Variants in ZNF382 observed in about 807,000 individuals in gnomAD.
ZNF382 encodes the protein zinc finger protein 382, also known as KRAB/zinc finger suppressor protein 1.
ZNF382 carries 20 observed loss-of-function variants against 38.8 expected under a neutral mutation model. That is an observed-to-expected ratio of 0.51 (90% CI 0.36 to 0.75). The LOEUF is 0.75. Among genes scored for constraint, ZNF382 ranks in the 30% least tolerant of loss-of-function variants. The pLI, the probability that ZNF382 is intolerant of heterozygous loss-of-function variation, is 0.00. For missense variants in ZNF382, 546 were observed against 654.1 expected (o/e 0.83, Z 1.80); for synonymous variants, 202 against 223.1 (o/e 0.91, Z 0.84).
chr19:36,610,597 A>G lies in ZNF382; in HGVS notation c.140-53A>G. 10 of 1,451,344 alleles carry G rather than the reference A, an allele frequency of 6.9e-6. No individual in the cohort carries two copies. In the South Asian group the frequency reaches 1.2e-4, roughly 18 times the overall value. 89.9% of individuals were successfully genotyped at this position (1,451,344 alleles called of 1,614,324 possible). A position where few individuals can be genotyped will look rare whatever the true frequency, so the allele number is the denominator to read the frequency against. ...GAAGTTGTATCTTTATCTTACTTCA[A>G]TAGTTTTAAAGTCGAAACAGCTTAG... On this transcript the variant is annotated intron_variant, in intron 3 of 4. Coordinates refer to ENST00000292928, the MANE Select transcript of ZNF382 (RefSeq NM_032825.5).
intron 4 of ZNF382, among the ~76,000 whole-genome samples, chr19:36,616,246 C>T (rs958822682): frequency 1.3e-5 from 2 of 152,070 alleles, no homozygotes; most frequent in African/African-American, 4.8e-5. Context: ...GTGGTGTGCA[C>T]CTGTAGATCC....
chr19:36,608,220 T>C (rs2037049892), intron 2 of ZNF382: 1 of 152,300 alleles, frequency 6.6e-6, no homozygotes, highest in Non-Finnish European at 1.5e-5. Context: ...GTGAGGTGTT[T>C]AGGATAGCAA....
At chr19:36,625,541 C>T (rs952499018) in intron 4 of ZNF382, among the ~76,000 whole-genome samples, 1 of 148,634 alleles carries the variant, frequency 6.7e-6, no homozygotes, top group African/African-American at 2.5e-5. Flanking sequence ...TTCTCTTCTG[C>T]TCACTTATCT....
At chr19:36,617,584 CT>C (rs1306509535) in intron 4 of ZNF382, among the ~76,000 whole-genome samples, 1 of 152,134 alleles carries the variant, frequency 6.6e-6, no homozygotes, top group African/African-American at 2.4e-5. Context: ...TATCCTGACA[CT>C]TGTAAGGCAG....
At chr19:36,607,458 G>A in intron 1 of ZNF382, 94 bp from the exon 2 acceptor site, 1 of 744,272 alleles carries the variant, frequency 1.3e-6, no homozygotes, top group Non-Finnish European at 2.2e-6. Flanking sequence ...TGCTGAAATA[G>A]TGAACATTCA....
At position 36,614,914 on chromosome 19, in the gene ZNF382, C is replaced by CCTTTCCGTTTCCCTTTCCCTTTCCCT. The variant is rs1555793084; in HGVS notation, c.232+4172_232+4173insCTTTCCGTTTCCCTTTCCCTTTCCCT. On this transcript the variant is annotated intron_variant, in intron 4 of 4. Transcript: ENST00000292928. Reference sequence around the variant, plus strand: ...CTTTCCTTTCCTTTCCTTTCCTTTCCTTCCCTTTCCCTTTCCCTTTCCCTT... The same window carrying CCTTTCCGTTTCCCTTTCCCTTTCCCT: ...CTTTCCTTTCCTTTCCTTTCCTTTCCCTTTCCGTTTCCCTTTCCCTTTCCCTTTCCCTTTCCCTTTCCCTTTCCCTT... Among the ~76,000 whole-genome samples the CCTTTCCGTTTCCCTTTCCCTTTCCCT allele has an allele frequency of 3.1e-3, 280 of 90,822 alleles. 4 individuals carry two copies. Among genetic ancestry groups the CCTTTCCGTTTCCCTTTCCCTTTCCCT allele is most frequent in the Non-Finnish European group, 4.3e-3 (190 of 44,650 alleles). 59.6% of individuals were successfully genotyped at this position (90,822 alleles called of 152,430 possible).
Position 36,631,243 on chromosome 19 carries a change from ATG to A in ZNF382, c.*3694_*3695del, listed in dbSNP as rs1252157973. ...ACAGCCTACTAAACACCTAGGCTAT[ATG>A]GTAGAGCCTGTTGCTCCTAGGCTAC... is the stretch of plus-strand genomic sequence containing the variant. On this transcript the variant is annotated 3_prime_UTR_variant, in exon 5 of 5. Coordinates refer to ENST00000292928, the MANE Select transcript of ZNF382 (RefSeq NM_032825.5). 2.6e-5 allele frequency: 4 copies of A among 152,182 alleles called. No homozygotes were observed. Among genetic ancestry groups the A allele is most frequent in the African/African-American group, 4.8e-5 (2 of 41,434 alleles). The allele number at this position is 152,182 out of a possible 1,614,324, so 9.4% of individuals were successfully genotyped here.
intron 4 of ZNF382, among the ~76,000 whole-genome samples, chr19:36,615,723 CTG>C (rs1469592626): frequency 1.3e-5 from 2 of 152,114 alleles, no homozygotes; most frequent in Admixed American, 1.3e-4. Context: ...TGTTTTCCTG[CTG>C]TGTTTGATGT....
At position 36,631,620 on chromosome 19, in the gene ZNF382, T is replaced by A. The variant is rs1354289968; in HGVS notation, c.*4070T>A. The A allele has an allele frequency of 6.6e-6, 1 of 152,044 alleles. No homozygotes were observed. Among genetic ancestry groups the A allele is most frequent in the Non-Finnish European group, 1.5e-5 (1 of 68,058 alleles). 9.4% of individuals were successfully genotyped at this position (152,044 alleles called of 1,614,324 possible). A position where few individuals can be genotyped will look rare whatever the true frequency, so the allele number is the denominator to read the frequency against. On this transcript the variant is annotated 3_prime_UTR_variant, in exon 5 of 5. Transcript: ENST00000292928. ...CCAGGATGGTCTCAATCTCCTGACC[T>A]CGTGATCCACCCGCCTCGGCCTCTC...
intron 4 of ZNF382, among the ~76,000 whole-genome samples, chr19:36,614,297 G>A (rs963530394): frequency 3.9e-5 from 6 of 152,120 alleles, no homozygotes; most frequent in African/African-American, 1.2e-4. Context: ...CCAAGACCGC[G>A]CCATTGCACT....
chr19:36,613,070 C>T (rs896300956), intron 4 of ZNF382, among the ~76,000 whole-genome samples: 2 of 152,156 alleles, frequency 1.3e-5, no homozygotes, highest in Non-Finnish European at 2.9e-5. Flanking sequence ...GGATTACAGG[C>T]GTGAGCCACT....
intron 2 of ZNF382, 43 bp from the exon 3 acceptor site, chr19:36,609,859 A>G: frequency 1.3e-6 from 2 of 1,532,366 alleles, no homozygotes; most frequent in South Asian, 2.6e-5. Context: ...TGTCAGTACT[A>G]GGTCTCCAAT....
chr19:36,623,816 C>T (rs967881545), intron 4 of ZNF382, among the ~76,000 whole-genome samples: 6 of 137,698 alleles, frequency 4.4e-5, no homozygotes, highest in African/African-American at 1.4e-4. Flanking sequence ...AGGGGCCGGG[C>T]GCAGTGGCTC....
In ZNF382 at chr19:36,631,695, A is replaced by G. The variant is rs976229139; in HGVS notation, c.*4145A>G. On this transcript the variant is annotated 3_prime_UTR_variant, in exon 5 of 5. Coordinates refer to ENST00000292928, the MANE Select transcript of ZNF382 (RefSeq NM_032825.5). ...GCCACCATGCCTGGCTGGTACTATA[A>G]TCTTATGAGACCACCATTATATATG... The G allele has an allele frequency of 6.6e-6, 1 of 152,034 alleles. No homozygotes were observed. The highest frequency in any genetic ancestry group is 2.4e-5 in the African/African-American group (1 of 41,366). The allele number at this position is 152,034 out of a possible 1,614,324, so 9.4% of individuals were successfully genotyped here. A position where few individuals can be genotyped will look rare whatever the true frequency, so the allele number is the denominator to read the frequency against.
rs1252859899 is a variant in ZNF382, at chr19:36,628,880, A to G, written c.*1330A>G. 6.6e-6 allele frequency: 1 copy of G among 152,520 alleles called. No individual in the cohort carries two copies. Among genetic ancestry groups the G allele is most frequent in the African/African-American group, 2.4e-5 (1 of 41,408 alleles). The allele number at this position is 152,520 out of a possible 1,614,324, so 9.4% of individuals were successfully genotyped here. On this transcript the variant is annotated 3_prime_UTR_variant, in exon 5 of 5. Coordinates refer to ENST00000292928, the MANE Select transcript of ZNF382 (RefSeq NM_032825.5). ...TGAAATGATTGTAAGAATGACTTTA[A>G]CTGTTGCTCATTTCTTTTACACCAT...
intron 4 of ZNF382, among the ~76,000 whole-genome samples, chr19:36,624,565 A>T (rs377465080): frequency 6.6e-6 from 1 of 152,260 alleles, no homozygotes; most frequent in African/African-American, 2.4e-5. Context: ...TGCTCTGCAC[A>T]TACATTGAAG....
chr19:36,609,928 G>A lies in ZNF382; in HGVS notation c.14G>A (p.Gly5Glu), dbSNP rs1377612762. 6.2e-7 allele frequency: 1 copy of A among 1,613,468 alleles called. No homozygotes were observed. The highest frequency in any genetic ancestry group is 2.2e-5 in the East Asian group (1 of 44,864). The change falls in exon 3 of 5, where the codon GGA becomes GAA. Residue 5 changes from glycine to glutamate, a missense_variant. Gly to Glu is a moderately conservative substitution (Grantham distance 98, BLOSUM62 -2). Transcript: ENST00000292928. ...ATGAACTAGAGTATGCCCTTACAGG[G>A]ATCAGTGTCATTCAAGGATGTGACT... MPLQ[G>E]SVSFKDVTVD...
At position 36,630,169 on chromosome 19, in the gene ZNF382, TGC is replaced by T. The variant is rs781045915; in HGVS notation, c.*2620_*2621del. On this transcript the variant is annotated 3_prime_UTR_variant, in exon 5 of 5. Transcript: ENST00000292928. ...ATATTCATCATATACTTCCCAATTT[TGC>T]ACACACAAAAAATGAAAATAGCCCC... is the stretch of plus-strand genomic sequence containing the variant. The T allele has an allele frequency of 2.6e-5, 4 of 152,052 alleles. No homozygotes were observed. The highest frequency in any genetic ancestry group is 4.4e-5 in the Non-Finnish European group (3 of 68,012). The allele number at this position is 152,052 out of a possible 1,614,324, so 9.4% of individuals were successfully genotyped here. A position where few individuals can be genotyped will look rare whatever the true frequency, so the allele number is the denominator to read the frequency against.
intron 2 of ZNF382, 128 bp downstream of exon 2, chr19:36,607,750 A>G: frequency 2.0e-6 from 2 of 1,005,132 alleles, no homozygotes; most frequent in South Asian, 1.7e-5. Flanking sequence ...AGTCAGGGCC[A>G]GATTAGGCTG....
Sources: allele counts gnomAD v4.1 joint callset (sites outside exome capture counted in the v4.1 genomes callset), GRCh38; gene constraint gnomAD v4.1.1; transcripts MANE v1.5; gene names NCBI Gene and HGNC (gene_info 2026-07-23, HGNC 2026-07-21).